Variants in CRHR2 observed in about 807,000 individuals in gnomAD.
CRHR2 encodes corticotropin releasing hormone receptor 2.
In CRHR2, 53 loss-of-function variants were observed where a neutral mutation model predicts 57.9. That is an observed-to-expected ratio of 0.92 (90% confidence interval 0.73 to 1.15). The LOEUF (loss-of-function observed/expected upper bound fraction) is 1.15. Among genes scored for constraint, CRHR2 ranks in the 50% most tolerant of loss-of-function variants. CRHR2 has a pLI of 0.00. For missense variants in CRHR2, 532 were observed against 542.6 expected, an observed-to-expected ratio of 0.98 and a Z score of 0.19; for synonymous variants, 213 against 220.9, an observed-to-expected ratio of 0.96 and a Z score of 0.32.
At chr7:30,663,274 A>G (rs1451384963) in intron 5 of CRHR2, among the ~76,000 whole-genome samples, 1 of 152,208 alleles carries the variant, frequency 6.6e-6, no homozygotes. Context: ...TTAGAAAAAA[A>G]TGAAAAAATA....
rs749683869 is a variant in CRHR2, at chr7:30,665,683, G to A, written c.316-44C>T. On this transcript the variant is annotated intron_variant, in intron 3 of 11. Transcript: ENST00000471646. This position sits in a 1 kb window ranked among gnomAD's most constrained non-coding sequence, Gnocchi z 4.5. The stretch of plus-strand genomic sequence containing the variant: ...GCAGGGCAGATGGAGGCATGGGCAC[G>A]TGGGGGTGGGGCTGGGTATTCCAGC... The A allele has an allele frequency of 1.7e-5, 25 of 1,495,480 alleles. No homozygotes were observed. The highest frequency in any genetic ancestry group is 5.9e-5 in the Admixed American group (3 of 50,716). 92.6% of individuals were successfully genotyped at this position (1,495,480 alleles called of 1,614,324 possible).
chr7:30,679,725 G>A (rs1226563049), intron 2 of CRHR2, among the ~76,000 whole-genome samples: 2 of 152,160 alleles, frequency 1.3e-5, no homozygotes, highest in Non-Finnish European at 2.9e-5. Context: ...TAGGCTTCTC[G>A]TGGAGGTTTC....
chr7:30,685,791 A>G (rs1210682673), upstream of CRHR2, among the ~76,000 whole-genome samples: 3 of 152,214 alleles, frequency 2.0e-5, no homozygotes, highest in Non-Finnish European at 4.4e-5. Flanking sequence ...TCATCTCTGC[A>G]GCAGCCCAAA....
chr7:30,694,295 C>T (rs2128151714), intron 1 of CRHR2, among the ~76,000 whole-genome samples: 1 of 152,364 alleles, frequency 6.6e-6, no homozygotes, highest in East Asian at 1.9e-4. Flanking sequence ...CTCTCAGTGC[C>T]TGGCATGGGA....
chr7:30,700,068 G>A (rs1005113955), exon 1 of CRHR2: 165 of 1,344,384 alleles, frequency 1.2e-4, no homozygotes, highest in Admixed American at 1.5e-4. Flanking sequence ...ACTGGAGCCT[G>A]CTGCCCAGCA....
chr7:30,654,620 C>T (rs377333194), intron 11 of CRHR2: 11 of 1,476,722 alleles, frequency 7.4e-6, no homozygotes, highest in Non-Finnish European at 1.0e-5. Flanking sequence ...AGAGCCTGCT[C>T]TTGGTGTGTG....
rs1258275556 is a variant in CRHR2 at position 30,656,834 on chromosome 7, T to G, written c.832-822A>C. ...CCCTGGGAGCTGCAGTGTGGGTCTG[T>G]GGGTCTATCCTTTAAGCACTTGTGC... On this transcript the variant is annotated intron_variant, in intron 8 of 11. Coordinates refer to ENST00000471646, the MANE Select transcript of CRHR2 (RefSeq NM_001883.5). This position sits in a 1 kb window ranked among gnomAD's most constrained non-coding sequence, Gnocchi z 4.4. Among the ~76,000 whole-genome samples the G allele has an allele frequency of 2.0e-5, 3 of 152,136 alleles. No homozygotes were observed. Among genetic ancestry groups the G allele is most frequent in the African/African-American group, 4.8e-5 (2 of 41,434 alleles).
chr7:30,686,275 A>G, upstream of CRHR2: 1 of 1,337,786 alleles, frequency 7.5e-7, no homozygotes, highest in Non-Finnish European at 9.6e-7. Flanking sequence ...TGTCTCATCT[A>G]CCAGCCCATG....
chr7:30,654,660 G>A (rs1258837269), intron 11 of CRHR2: 18 of 1,530,986 alleles, frequency 1.2e-5, no homozygotes, highest in Middle Eastern at 3.3e-4. Flanking sequence ...GCGGGGGAAT[G>A]TGCTGGTCTC....
At chr7:30,698,868 C>A (rs955101952) in intron 1 of CRHR2, among the ~76,000 whole-genome samples, 1 of 152,228 alleles carries the variant, frequency 6.6e-6, no homozygotes, top group African/African-American at 2.4e-5. Flanking sequence ...TTGTGATCCT[C>A]ATTTTACTGA....
chr7:30,682,496 T>A, upstream of CRHR2: 1 of 1,298,878 alleles, frequency 7.7e-7, no homozygotes, highest in Non-Finnish European at 9.7e-7. Context: ...TGCACGGAGC[T>A]GCGGGTACAG....
intron 2 of CRHR2, among the ~76,000 whole-genome samples, chr7:30,676,556 C>T (rs1034502615): frequency 5.3e-5 from 8 of 152,178 alleles, no homozygotes; most frequent in Non-Finnish European, 7.3e-5. Flanking sequence ...TTAAAGTTTA[C>T]CCCCACTCCC....
intron 2 of CRHR2, among the ~76,000 whole-genome samples, chr7:30,681,169 C>G (rs1297206655): frequency 6.6e-6 from 1 of 152,098 alleles, no homozygotes; most frequent in Non-Finnish European, 1.5e-5. Context: ...CCTCTACTGC[C>G]CTTTTCCCCA....
intron 1 of CRHR2, among the ~76,000 whole-genome samples, chr7:30,693,728 C>T: frequency 6.6e-6 from 1 of 150,720 alleles, no homozygotes; most frequent in South Asian, 2.1e-4. Context: ...GGGACTGAGG[C>T]TTTACCTGTG....
intron 1 of CRHR2, among the ~76,000 whole-genome samples, chr7:30,693,224 C>T (rs1212248146): frequency 1.3e-5 from 2 of 152,228 alleles, no homozygotes; most frequent in East Asian, 3.9e-4. Flanking sequence ...ACAGGAGTGT[C>T]GTTAGTTCTA....
At position 30,660,546 on chromosome 7, in the gene CRHR2, C is replaced by T. The variant is rs780721209; in HGVS notation, c.831+27G>A. The T allele has an allele frequency of 6.4e-6, 10 of 1,552,566 alleles. No individual in the cohort carries two copies. In the Admixed American group the frequency reaches 2.0e-4, roughly 30 times the overall value. ...TCTTCTGTCCTCTTGGCACCCAGCCCCATCCCAGCCACCGCTGAGGGCTTA... is the reference window on the plus strand; with the variant it reads ...TCTTCTGTCCTCTTGGCACCCAGCCTCATCCCAGCCACCGCTGAGGGCTTA... On this transcript the variant is annotated intron_variant, in intron 8 of 11. Coordinates refer to ENST00000471646, the MANE Select transcript of CRHR2 (RefSeq NM_001883.5).
chr7:30,661,213 G>C (rs1490312230), intron 7 of CRHR2, among the ~76,000 whole-genome samples: 1 of 152,250 alleles, frequency 6.6e-6, no homozygotes, highest in Non-Finnish European at 1.5e-5. Flanking sequence ...ATTCTCCGGG[G>C]ATGCTGGTCA....
chr7:30,663,422 G>C (rs533684890), intron 5 of CRHR2, among the ~76,000 whole-genome samples: 107 of 152,234 alleles, frequency 7.0e-4, no homozygotes, highest in South Asian at 3.3e-3. Context: ...CAAAGTACAC[G>C]GCCCCCGGCA....
intron 2 of CRHR2, among the ~76,000 whole-genome samples, chr7:30,687,721 C>T (rs572656765): frequency 1.2e-4 from 18 of 152,292 alleles, no homozygotes; most frequent in African/African-American, 2.9e-4. Context: ...GGGGACCATC[C>T]GCCAAGGGAG....
Sources: gnomAD v4.1 joint callset for allele counts (sites outside exome capture counted in the v4.1 genomes callset) on GRCh38, gnomAD v4.1.1 for gene constraint, Gnocchi (gnomAD v3.1) non-coding constraint, MANE v1.5 for transcripts, NCBI Gene and HGNC (gene_info 2026-07-23, HGNC 2026-07-21) for gene names.